Variants in ITGB6 observed in about 807,000 individuals in gnomAD.
ITGB6 encodes integrin subunit beta 6, also known as integrin beta-6.
A neutral mutation model predicts 84.5 loss-of-function variants in ITGB6; 80 were observed. The observed-to-expected ratio is 0.95, with a 90% confidence interval of 0.79 to 1.14. The LOEUF (loss-of-function observed/expected upper bound fraction) is 1.14, where lower values mean the gene tolerates loss of function less well. Among genes scored for constraint, ITGB6 ranks in the 50% most tolerant of loss-of-function variants. The pLI is 0.00. For synonymous variants in ITGB6, 383 were observed against 354.9 expected (o/e 1.08, Z -0.89); for missense variants, 1,006 against 968.0 (o/e 1.04, Z -0.52).
chr2:160,195,397 T>A lies in ITGB6; in HGVS notation c.565A>T (p.Thr189Ser). The change falls in exon 4 of 15, where the codon ACA (threonine) becomes TCA (serine). Residue 189 changes from threonine (T) to serine (S), a missense_variant. Transcript: ENST00000283249. The part of the protein sequence containing the change: ...EKPVSPFVKT[T>S]PEEIANPCSS... ...CAAGGGTTGGCAATTTCTTCTGGTG[T>A]TGTTTTCACAAAAGGGGATACAGGT... is the stretch of plus-strand genomic sequence containing the variant. 1 of 1,614,206 alleles carries A rather than the reference T, an allele frequency of 6.2e-7. No homozygotes were observed. Among genetic ancestry groups the A allele is most frequent in the Non-Finnish European group, 8.5e-7 (1 of 1,180,006 alleles).
chr2:160,141,891 A>G (rs1252861575), intron 8 of ITGB6, 91 bp downstream of exon 8: 6 of 777,622 alleles, frequency 7.7e-6, no homozygotes, highest in East Asian at 5.7e-5. Context: ...CTCTCTACCA[A>G]CAAGTAACTA....
At chr2:160,135,705 G>A (rs1157795996) in intron 10 of ITGB6, among the ~76,000 whole-genome samples, 2 of 150,912 alleles carry the variant, frequency 1.3e-5, no homozygotes, top group Non-Finnish European at 3.0e-5. Flanking sequence ...CCAAAACAGA[G>A]ATATAGACCA....
intron 7 of ITGB6, among the ~76,000 whole-genome samples, chr2:160,165,204 A>G (rs896221699): frequency 6.6e-6 from 1 of 152,210 alleles, no homozygotes; most frequent in Non-Finnish European, 1.5e-5. Flanking sequence ...AGGATAAAGA[A>G]TATCTAGACT....
chr2:160,135,327 C>T (rs1211507069), intron 10 of ITGB6, among the ~76,000 whole-genome samples: 1 of 151,968 alleles, frequency 6.6e-6, no homozygotes, highest in African/African-American at 2.4e-5. Context: ...AATAAAATGC[C>T]TAGGAATCCA....
intron 4 of ITGB6, among the ~76,000 whole-genome samples, chr2:160,191,402 T>C (rs936132282): frequency 1.3e-5 from 2 of 152,158 alleles, no homozygotes; most frequent in Non-Finnish European, 2.9e-5. Flanking sequence ...GCCAATGAGA[T>C]GCAAGTCTAA....
At chr2:160,191,867 C>T (rs1210737292) in intron 4 of ITGB6, among the ~76,000 whole-genome samples, 1 of 151,952 alleles carries the variant, frequency 6.6e-6, no homozygotes, top group Non-Finnish European at 1.5e-5. Flanking sequence ...ACATGTTATC[C>T]ACAAAGAATT....
chr2:160,135,033 T>C (rs1683645223), intron 10 of ITGB6, among the ~76,000 whole-genome samples: 2 of 152,124 alleles, frequency 1.3e-5, no homozygotes, highest in African/African-American at 4.8e-5. Flanking sequence ...CTGTTCAACA[T>C]AGTGTTGGAA....
At chr2:160,174,482 C>T (rs564190602) in intron 4 of ITGB6, among the ~76,000 whole-genome samples, 20 of 152,272 alleles carry the variant, frequency 1.3e-4, no homozygotes, top group Admixed American at 7.8e-4. Context: ...GTTAATACAA[C>T]GACAATTCCT....
At chr2:160,199,634 G>A (rs1377676203) in intron 1 of ITGB6, among the ~76,000 whole-genome samples, 1 of 152,100 alleles carries the variant, frequency 6.6e-6, no homozygotes, top group East Asian at 1.9e-4. Context: ...AGTTATTTCT[G>A]TTTTTGAAAT....
At chr2:160,109,574 C>G (rs141350039) in intron 13 of ITGB6, among the ~76,000 whole-genome samples, 17 of 152,302 alleles carry the variant, frequency 1.1e-4, no homozygotes, top group Admixed American at 2.6e-4. Flanking sequence ...AGGAATTGTA[C>G]ATTTCTCAAT....
intron 7 of ITGB6, among the ~76,000 whole-genome samples, chr2:160,167,032 C>T (rs561295857): frequency 7.9e-5 from 12 of 152,352 alleles, no homozygotes; most frequent in East Asian, 5.8e-4. Flanking sequence ...CTATGCTTAA[C>T]GTGTAACTCG....
At chr2:160,177,511 C>CAGTG (rs1228568093) in intron 4 of ITGB6, among the ~76,000 whole-genome samples, 1 of 151,254 alleles carries the variant, frequency 6.6e-6, no homozygotes, top group Non-Finnish European at 1.5e-5. Flanking sequence ...GCGGAGCTTG[C>CAGTG]AGTGAGCCCA....
At chr2:160,165,874 G>C (rs117230473) in intron 7 of ITGB6, among the ~76,000 whole-genome samples, 1 of 152,216 alleles carries the variant, frequency 6.6e-6, no homozygotes, top group East Asian at 1.9e-4. Flanking sequence ...TCTGGCAATG[G>C]TCAGGTGCCC....
chr2:160,141,905 T>C (rs1684013561), intron 8 of ITGB6, 77 bp downstream of exon 8: 1 of 906,764 alleles, frequency 1.1e-6, no homozygotes, highest in East Asian at 2.7e-5. Context: ...GTAACTAACA[T>C]TTAACTGCCT....
intron 7 of ITGB6, among the ~76,000 whole-genome samples, chr2:160,146,787 C>T (rs2105831489): frequency 6.6e-6 from 1 of 151,922 alleles, no homozygotes; most frequent in East Asian, 1.9e-4. Flanking sequence ...AAGCAAATAC[C>T]ATCACCCAGA....
At chr2:160,157,447 T>C (rs924907676) in intron 7 of ITGB6, among the ~76,000 whole-genome samples, 4 of 152,160 alleles carry the variant, frequency 2.6e-5, no homozygotes, top group Non-Finnish European at 5.9e-5. Context: ...GTTGACTGTA[T>C]AGCCACGGTT....
intron 8 of ITGB6, 68 bp downstream of exon 8, chr2:160,141,914 C>T (rs1256342852): frequency 5.9e-6 from 6 of 1,011,104 alleles, no homozygotes; most frequent in East Asian, 2.5e-5. Context: ...ATTTAACTGC[C>T]TAAATCACAT....
intron 10 of ITGB6, among the ~76,000 whole-genome samples, chr2:160,133,047 C>A (rs921661025): frequency 6.6e-6 from 1 of 152,112 alleles, no homozygotes; most frequent in African/African-American, 2.4e-5. Context: ...TCCTTGGTAG[C>A]ATGCTTATTT....
chr2:160,176,716 T>C (rs963700325), intron 4 of ITGB6, among the ~76,000 whole-genome samples: 1 of 152,222 alleles, frequency 6.6e-6, no homozygotes, highest in African/African-American at 2.4e-5. Flanking sequence ...GTACAGATAA[T>C]GGATTTGGCT....
Sources: gnomAD v4.1 joint callset for allele counts (sites outside exome capture counted in the v4.1 genomes callset) on GRCh38, gnomAD v4.1.1 for gene constraint, MANE v1.5 for transcripts, NCBI Gene and HGNC (gene_info 2026-07-23, HGNC 2026-07-21) for gene names.